ACAT1: variants seen among roughly 807,000 people sequenced by gnomAD.
ACAT1 encodes acetyl-CoA acetyltransferase, mitochondrial.
A neutral mutation model predicts 47.3 loss-of-function variants in ACAT1; 28 were observed. That is an observed-to-expected ratio of 0.59 (90% CI 0.44 to 0.81). ACAT1 has a LOEUF of 0.81. Among genes scored for constraint, ACAT1 ranks in the 30% least tolerant of loss-of-function variants. The pLI, the probability that ACAT1 is intolerant of heterozygous loss-of-function variation, is 0.00. For missense variants in ACAT1, 469 were observed against 524.3 expected, an observed-to-expected ratio of 0.89 and a Z score of 1.03; for synonymous variants, 181 against 173.6, an observed-to-expected ratio of 1.04 and a Z score of -0.34.
At chr11:108,132,083 C>G in intron 2 of ACAT1, 129 bp downstream of exon 2, 1 of 558,720 alleles carries the variant, frequency 1.8e-6, no homozygotes, top group South Asian at 2.2e-5. Context: ...GAATAGCTAA[C>G]TATTCAAATA....
At chr11:108,121,265 A>G (rs1021006898), upstream of ACAT1, 2 of 441,432 alleles carry the variant, frequency 4.5e-6, no homozygotes, top group African/African-American at 4.0e-5. Context: ...TAAGGGAAAC[A>G]TGCTCAGTAA....
rs189339614 is a variant in ACAT1 at position 108,147,336 on chromosome 11, C to T, written c.1230C>T (p.Ala410=). 6 of 1,613,878 alleles carry T rather than the reference C, an allele frequency of 3.7e-6. No homozygotes were observed. The highest frequency in any genetic ancestry group is 1.7e-5 in the Admixed American group (1 of 59,990). The change falls in exon 12 of 12, where the codon GCC becomes GCT. Residue 410 remains alanine (A), a synonymous_variant. Transcript: ENST00000265838. ...HALKQGEYGL[A]SICNGGGGAS... ...TGAAGCAAGGAGAATACGGTCTTGC[C>T]AGTATTTGCAATGGAGGAGGAGGTG...
chr11:108,146,180 T>C, intron 10 of ACAT1, 22 bp from the exon 11 acceptor site: 4 of 1,570,764 alleles, frequency 2.5e-6, no homozygotes, highest in South Asian at 2.2e-5. Flanking sequence ...TTGAACATCA[T>C]CTGTCTTTTA....
chr11:108,120,801 G>A (rs1029025293), upstream of ACAT1, among the ~76,000 whole-genome samples: 13 of 152,042 alleles, frequency 8.6e-5, no homozygotes, highest in African/African-American at 2.9e-4. Flanking sequence ...GCTCACGCCT[G>A]TAATCCCAGC....
chr11:108,120,834 C>T (rs1027780628), upstream of ACAT1, among the ~76,000 whole-genome samples: 3 of 151,748 alleles, frequency 2.0e-5, no homozygotes, highest in Non-Finnish European at 4.4e-5. Flanking sequence ...TGAGTCTGGC[C>T]GTCTGCTTGA....
chr11:108,143,938 A>AT, intron 9 of ACAT1, 45 bp from the exon 10 acceptor site: 1 of 1,137,110 alleles, frequency 8.8e-7, no homozygotes, highest in South Asian at 1.2e-5. Flanking sequence ...TATACAGTAA[A>AT]AAAAAAAAGA....
intron 4 of ACAT1, among the ~76,000 whole-genome samples, chr11:108,134,709 G>T (rs2077431511): frequency 1.3e-5 from 2 of 150,432 alleles, no homozygotes; most frequent in South Asian, 2.1e-4. Context: ...ACTTTGGGAG[G>T]CCGAGGCGGG....
chr11:108,118,967 T>C (rs1372776388), upstream of ACAT1, among the ~76,000 whole-genome samples: 2 of 152,174 alleles, frequency 1.3e-5, no homozygotes, highest in Non-Finnish European at 2.9e-5. Context: ...GGCAGGTGTC[T>C]CCTAAGACAC....
chr11:108,134,549 C>G, intron 4 of ACAT1: 1 of 324,660 alleles, frequency 3.1e-6, no homozygotes. Context: ...GAGGCAGGAG[C>G]ATCGCTTGAA....
Position 108,134,765 on chromosome 11 carries a change from G to A in ACAT1, c.335-377G>A, listed in dbSNP as rs556231995. Among the ~76,000 whole-genome samples, 14 of 150,612 alleles carry A rather than the reference G, an allele frequency of 9.3e-5. 1 individual carries two copies. In the East Asian group the frequency reaches 2.8e-3, roughly 30 times the overall value. On this transcript the variant is annotated intron_variant, in intron 4 of 11. Coordinates refer to ENST00000265838, the MANE Select transcript of ACAT1 (RefSeq NM_000019.4). ...TTGAGACCATCCTGGCTAACACAGC[G>A]AAACCCTGTCTCTACTAAAAATACA... is the stretch of plus-strand genomic sequence containing the variant.
rs370720208 is a variant in ACAT1 at position 108,140,108 on chromosome 11, G to A, written c.623G>A (p.Arg208Gln). Residue 208 changes from arginine (R) to glutamine (Q), a missense_variant, in exon 7 of 12, where the codon CGA becomes CAA. Coordinates refer to ENST00000265838, the MANE Select transcript of ACAT1 (RefSeq NM_000019.4). ...ACAGCAAAGAAGCTGAATATTGCAC[G>A]AAATGAACAGGACGCTTATGCTATT... ...ENTAKKLNIA[R>Q]NEQDAYAINS... The A allele has an allele frequency of 9.9e-6, 16 of 1,613,972 alleles. No individual in the cohort carries two copies. Among genetic ancestry groups the A allele is most frequent in the Non-Finnish European group, 1.4e-5 (16 of 1,179,988 alleles).
At chr11:108,117,731 A>G (rs1864980931), upstream of ACAT1, among the ~76,000 whole-genome samples, 1 of 152,226 alleles carries the variant, frequency 6.6e-6, no homozygotes, top group African/African-American at 2.4e-5. Context: ...TTACTTGGAA[A>G]TGAATATCAA....
chr11:108,119,127 T>C (rs1247737370), upstream of ACAT1, among the ~76,000 whole-genome samples: 1 of 152,206 alleles, frequency 6.6e-6, no homozygotes, highest in African/African-American at 2.4e-5. Flanking sequence ...AGTGGATTTT[T>C]GGGAGAATTA....
At chr11:108,144,150 G>A in intron 10 of ACAT1, 103 bp downstream of exon 10, 3 of 1,325,232 alleles carry the variant, frequency 2.3e-6, no homozygotes, top group Non-Finnish European at 1.1e-6. Flanking sequence ...CCAAAGCAGA[G>A]AGATAGCTTG....
At chr11:108,138,786 A>G (rs2077521852) in intron 5 of ACAT1, 112 bp from the exon 6 acceptor site, 1 of 1,222,718 alleles carries the variant, frequency 8.2e-7, no homozygotes, top group Non-Finnish European at 1.2e-6. Context: ...CTGTGTAACA[A>G]ATGTTTAATA....
chr11:108,132,915 TG>T (rs907154832), intron 2 of ACAT1, among the ~76,000 whole-genome samples: 1 of 138,146 alleles, frequency 7.2e-6, no homozygotes, highest in African/African-American at 2.7e-5. Context: ...CTGGGCACAG[TG>T]GTTCATGCCT....
At chr11:108,135,313 C>A in intron 5 of ACAT1, 71 bp downstream of exon 5, 1 of 1,103,400 alleles carries the variant, frequency 9.1e-7, no homozygotes, top group Non-Finnish European at 1.4e-6. Flanking sequence ...AAAATCTAGG[C>A]ATATTCATAT....
At chr11:108,142,864 A>G (rs1036230496) in intron 9 of ACAT1, 2 of 305,780 alleles carry the variant, frequency 6.5e-6, no homozygotes, top group East Asian at 7.2e-5. Context: ...CTAAACATCT[A>G]TAAGCTCTTC....
rs149136122 is a variant in ACAT1 at position 108,142,187 on chromosome 11, C to T, written c.827-250C>T. The stretch of plus-strand genomic sequence containing the variant: ...GTCCCTATGTTTCAAGAGTTGTAGA[C>T]GAGCATTTATCCAGTGCCATCATGC... On this transcript the variant is annotated intron_variant, in intron 8 of 11. Transcript: ENST00000265838. Among the ~76,000 whole-genome samples the T allele has an allele frequency of 4.8e-3, 727 of 152,244 alleles. 8 individuals carry two copies. Among genetic ancestry groups the T allele is most frequent in the African/African-American group, 0.016 (669 of 41,532 alleles).
Sources: gnomAD v4.1 joint callset for allele counts (sites outside exome capture counted in the v4.1 genomes callset) on GRCh38, gnomAD v4.1.1 for gene constraint, MANE v1.5 for transcripts, NCBI Gene and HGNC (gene_info 2026-07-23, HGNC 2026-07-21) for gene names.